Variants in PXYLP1 observed in about 807,000 individuals in gnomAD.
PXYLP1 encodes acid phosphatase-like 2.
PXYLP1 carries 17 observed loss-of-function variants against 37.9 expected under a neutral mutation model. That is an observed-to-expected ratio of 0.45 (90% CI 0.31 to 0.67). The LOEUF (loss-of-function observed/expected upper bound fraction) is 0.67. Ranked by LOEUF, PXYLP1 falls within the 30% of genes least tolerant of loss-of-function variation. PXYLP1 has a pLI of 0.07. For synonymous variants in PXYLP1, 221 were observed against 232.2 expected (o/e 0.95, Z 0.44); for missense variants, 511 against 612.0 (o/e 0.84, Z 1.74).
intron 2 of PXYLP1, among the ~76,000 whole-genome samples, chr3:141,276,624 C>G (rs1485189437): frequency 6.6e-6 from 1 of 152,216 alleles, no homozygotes; most frequent in Non-Finnish European, 1.5e-5. Context: ...TTTGGCCACA[C>G]ATTTTTGTGC....
chr3:141,248,596 T>TGTATATGTATATACACAC (rs1559881462), intron 1 of PXYLP1, among the ~76,000 whole-genome samples: 1 of 37,260 alleles, frequency 2.7e-5, no homozygotes, highest in Non-Finnish European at 4.3e-5. Context: ...TACACACACG[T>TGTATATGTATATACACAC]GTATATATAC....
At chr3:141,250,361 G>T (rs547176389) in intron 1 of PXYLP1, among the ~76,000 whole-genome samples, 9 of 152,362 alleles carry the variant, frequency 5.9e-5, no homozygotes, top group Non-Finnish European at 8.8e-5. Context: ...TGTGCATGTT[G>T]TCACACCTTC....
chr3:141,256,943 G>C lies in PXYLP1; in HGVS notation c.-53-3180G>C, dbSNP rs532718427. Reference sequence around the variant, plus strand: ...AAATGAAAAGTCACAGATTGGTAGAGATGTCAGCAGTGCAGACTAGAAGCA... The same window carrying C: ...AAATGAAAAGTCACAGATTGGTAGACATGTCAGCAGTGCAGACTAGAAGCA... On this transcript the variant is annotated intron_variant, in intron 1 of 5. Coordinates refer to ENST00000286353, the MANE Select transcript of PXYLP1 (RefSeq NM_001037172.3). Among the ~76,000 whole-genome samples, 9 of 152,362 alleles carry C rather than the reference G, an allele frequency of 5.9e-5. No individual in the cohort carries two copies. In the East Asian group the frequency reaches 1.7e-3, roughly 29 times the overall value.
rs1057161305 is a variant in PXYLP1, at chr3:141,293,896, T to G, written c.*691T>G. On this transcript the variant is annotated 3_prime_UTR_variant, in exon 6 of 6. Transcript: ENST00000286353. ...TATACTACAATTGCACTTCCAGCAC[T>G]TTGAGAACGAGTTGAATACCAAGAA... 3 of 152,250 alleles carry G rather than the reference T, an allele frequency of 2.0e-5. No individual in the cohort carries two copies. Among genetic ancestry groups the G allele is most frequent in the African/African-American group, 2.4e-5 (1 of 41,466 alleles). 9.4% of individuals were successfully genotyped at this position (152,250 alleles called of 1,614,324 possible). A position where few individuals can be genotyped will look rare whatever the true frequency, so the allele number is the denominator to read the frequency against.
chr3:141,291,920 A>G (rs1204001384), intron 5 of PXYLP1, among the ~76,000 whole-genome samples: 1 of 152,240 alleles, frequency 6.6e-6, no homozygotes, highest in Non-Finnish European at 1.5e-5. Flanking sequence ...GGCCCATGCA[A>G]TTACAGATAT....
At chr3:141,248,790 TATAC>T (rs1941067933) in intron 1 of PXYLP1, among the ~76,000 whole-genome samples, 2 of 78,632 alleles carry the variant, frequency 2.5e-5, no homozygotes, top group Non-Finnish European at 6.3e-5. Context: ...CACGTATATA[TATAC>T]ACACACGTGT....
chr3:141,285,144 C>CTTTTTTTTTTTTTTTTT (rs147495598), intron 4 of PXYLP1, among the ~76,000 whole-genome samples: 31 of 78,788 alleles, frequency 3.9e-4, no homozygotes, highest in East Asian at 1.4e-3. Flanking sequence ...TTTTCTTTTT[C>CTTTTTTTTTTTTTTTTT]TTTTTTTTTT....
chr3:141,242,963 G>C (rs1559879416), intron 1 of PXYLP1, among the ~76,000 whole-genome samples: 1 of 152,200 alleles, frequency 6.6e-6, no homozygotes, highest in Non-Finnish European at 1.5e-5. Flanking sequence ...CTGAATGAAT[G>C]AATGAATGAA....
chr3:141,248,055 C>T (rs1308900207), intron 1 of PXYLP1, among the ~76,000 whole-genome samples: 2 of 147,406 alleles, frequency 1.4e-5, no homozygotes, highest in Non-Finnish European at 1.5e-5. Context: ...TGGAGTCCCA[C>T]TCTGTCACCC....
chr3:141,275,719 G>A (rs1418102628), intron 2 of PXYLP1, among the ~76,000 whole-genome samples: 2 of 152,046 alleles, frequency 1.3e-5, no homozygotes, highest in African/African-American at 4.8e-5. Context: ...CTAATGTTGG[G>A]TGGGTGAATC....
At chr3:141,270,823 C>T (rs774770537) in intron 2 of PXYLP1, among the ~76,000 whole-genome samples, 2 of 152,080 alleles carry the variant, frequency 1.3e-5, no homozygotes, top group Non-Finnish European at 2.9e-5. Flanking sequence ...TTGAAGGGAG[C>T]GCCTTTTAAG....
chr3:141,248,686 CACGT>C lies in PXYLP1; in HGVS notation c.-53-11435_-53-11432del, dbSNP rs1266090176. On this transcript the variant is annotated intron_variant, in intron 1 of 5. Coordinates refer to ENST00000286353, the MANE Select transcript of PXYLP1 (RefSeq NM_001037172.3). ...ATATACACACACGTGTATATATACA[CACGT>C]ATATACACACACGTGTATATATACA... is the stretch of plus-strand genomic sequence containing the variant. 1.7e-4 allele frequency among the ~76,000 whole-genome samples: 6 copies of C among 35,476 alleles called. 1 individual carries two copies. In the East Asian group the frequency reaches 4.1e-3, roughly 24 times the overall value. The allele number at this position is 35,476 out of a possible 152,430, so 23.3% of individuals were successfully genotyped here.
chr3:141,261,926 G>A (rs370659905), intron 2 of PXYLP1: 3 of 152,150 alleles, frequency 2.0e-5, no homozygotes, highest in South Asian at 2.1e-4. Context: ...CCTTCTCTCC[G>A]TTTAACCACC....
At chr3:141,270,847 CA>C (rs1333949090) in intron 2 of PXYLP1, among the ~76,000 whole-genome samples, 1 of 152,114 alleles carries the variant, frequency 6.6e-6, no homozygotes, top group African/African-American at 2.4e-5. Context: ...CTGCAGGAAA[CA>C]GGAATAATCA....
intron 3 of PXYLP1, among the ~76,000 whole-genome samples, chr3:141,278,799 G>A (rs1941870177): frequency 6.6e-6 from 1 of 152,214 alleles, no homozygotes; most frequent in South Asian, 2.1e-4. Flanking sequence ...CAGCAGCAAG[G>A]TAGAAAGGTG....
Position 141,294,903 on chromosome 3 carries a change from G to A in PXYLP1, c.*1698G>A, listed in dbSNP as rs575365238. 8 of 152,122 alleles carry A rather than the reference G, an allele frequency of 5.3e-5. No homozygotes were observed. The highest frequency in any genetic ancestry group is 7.2e-5 in the African/African-American group (3 of 41,432). The allele number at this position is 152,122 out of a possible 1,614,324, so 9.4% of individuals were successfully genotyped here. ...GAAGACTTAAAAATAAAAGTGACTCGGAAGATTTTTTAAAAAATCAATTGA... is the reference window on the plus strand; with the variant it reads ...GAAGACTTAAAAATAAAAGTGACTCAGAAGATTTTTTAAAAAATCAATTGA... On this transcript the variant is annotated 3_prime_UTR_variant, in exon 6 of 6. Coordinates refer to ENST00000286353, the MANE Select transcript of PXYLP1 (RefSeq NM_001037172.3).
rs889883597 is a variant in PXYLP1, at chr3:141,260,295, G to A, written c.79+41G>A. ...CCCCGCAGGTCGTGGGAGGGTAGGG[G>A]CTTCATAGGAAACAAGGAGGCCCCA... is the stretch of plus-strand genomic sequence containing the variant. On this transcript the variant is annotated intron_variant, in intron 2 of 5. Coordinates refer to ENST00000286353, the MANE Select transcript of PXYLP1 (RefSeq NM_001037172.3). The A allele has an allele frequency of 7.5e-6, 12 of 1,600,506 alleles. No homozygotes were observed. The African/African-American group carries it at 1.5e-4, about 20-fold the overall frequency.
intron 4 of PXYLP1, among the ~76,000 whole-genome samples, chr3:141,283,787 G>A (rs1395255869): frequency 6.6e-6 from 1 of 151,372 alleles, no homozygotes; most frequent in Non-Finnish European, 1.5e-5. Flanking sequence ...TTAACATTCT[G>A]TGCAGAACTC....
intron 4 of PXYLP1, among the ~76,000 whole-genome samples, chr3:141,285,144 C>CTTTTTTTTT (rs147495598): frequency 3.3e-4 from 26 of 78,760 alleles, no homozygotes; most frequent in African/African-American, 9.6e-4. Context: ...TTTTCTTTTT[C>CTTTTTTTTT]TTTTTTTTTT....
Sources: gnomAD v4.1 joint callset for allele counts (sites outside exome capture counted in the v4.1 genomes callset) on GRCh38, gnomAD v4.1.1 for gene constraint, MANE v1.5 for transcripts, NCBI Gene and HGNC (gene_info 2026-07-23, HGNC 2026-07-21) for gene names.